The following BANK1 variants were observed in gnomAD, a reference collection of about 807,000 sequenced individuals.
BANK1 encodes the protein B cell scaffold protein with ankyrin repeats 1.
BANK1 carries 95 observed loss-of-function variants against 94.5 expected under a neutral mutation model. The ratio of observed to expected loss-of-function variants is 1.00; its 90% CI spans 0.85 to 1.19. The LOEUF is 1.19. BANK1 is among the 50% of genes most tolerant of loss of function. The pLI is 0.00. For missense variants in BANK1, 987 were observed against 932.2 expected, an observed-to-expected ratio of 1.06 and a Z score of -0.77; for synonymous variants, 334 against 308.4, an observed-to-expected ratio of 1.08 and a Z score of -0.87.
chr4:102,034,125 G>T (rs1300434484), intron 10 of BANK1, among the ~76,000 whole-genome samples: 1 of 151,876 alleles, frequency 6.6e-6, no homozygotes, highest in Admixed American at 6.6e-5. Flanking sequence ...TTAATTTCTG[G>T]CCCCATTGCT....
In BANK1 at chr4:102,041,195, A is replaced by G. The variant is rs376381477; in HGVS notation, c.1901-2644A>G. ...TGGGGTGGCTGAACATAGTAAATAT[A>G]AAGTACATAAAGTCTTTTAGAACAA... On this transcript the variant is annotated intron_variant, in intron 10 of 16. Transcript: ENST00000322953. Among the ~76,000 whole-genome samples, 3 of 152,052 alleles carry G rather than the reference A, an allele frequency of 2.0e-5. No homozygotes were observed. The East Asian group carries it at 5.8e-4, about 29-fold the overall frequency.
At chr4:101,869,850 G>A (rs1193118203) in intron 4 of BANK1, among the ~76,000 whole-genome samples, 1 of 151,778 alleles carries the variant, frequency 6.6e-6, no homozygotes, top group Non-Finnish European at 1.5e-5. Context: ...TTCTTTCATA[G>A]AAAGTCCTAA....
intron 3 of BANK1, among the ~76,000 whole-genome samples, chr4:101,861,761 C>T (rs1727885768): frequency 6.6e-6 from 1 of 151,946 alleles, no homozygotes; most frequent in African/African-American, 2.4e-5. Flanking sequence ...TTAAAAAGTG[C>T]TGAGTATAAT....
At chr4:101,897,892 A>T (rs1016730821) in intron 6 of BANK1, among the ~76,000 whole-genome samples, 3 of 151,930 alleles carry the variant, frequency 2.0e-5, no homozygotes, top group Non-Finnish European at 4.4e-5. Flanking sequence ...CCCTCTCTTA[A>T]CAAAGGTTAT....
chr4:101,844,819 C>G (rs1003318879), intron 2 of BANK1, among the ~76,000 whole-genome samples: 1 of 152,108 alleles, frequency 6.6e-6, no homozygotes, highest in Non-Finnish European at 1.5e-5. Context: ...ACTTTTACAC[C>G]AACCCCAAAC....
chr4:101,854,906 C>A, intron 2 of BANK1, 129 bp from the exon 3 acceptor site: 1 of 611,558 alleles, frequency 1.6e-6, no homozygotes, highest in Non-Finnish European at 2.8e-6. Flanking sequence ...TCAATTATTT[C>A]AGCTATCTTA....
At chr4:101,856,518 A>G (rs1727686415) in intron 3 of BANK1, among the ~76,000 whole-genome samples, 2 of 152,222 alleles carry the variant, frequency 1.3e-5, no homozygotes, top group Non-Finnish European at 2.9e-5. Flanking sequence ...CAAAGCAGAA[A>G]AAAGAAAACC....
intron 7 of BANK1, among the ~76,000 whole-genome samples, chr4:101,936,576 A>G (rs866396675): frequency 5.3e-5 from 8 of 150,718 alleles, no homozygotes; most frequent in Admixed American, 1.3e-4. Context: ...GTATACGTGT[A>G]TGTGTGTGTA....
chr4:101,947,014 A>G (rs1223467244), intron 7 of BANK1, among the ~76,000 whole-genome samples: 1 of 151,684 alleles, frequency 6.6e-6, no homozygotes, highest in African/African-American at 2.4e-5. Flanking sequence ...ATTTTGGGCA[A>G]AGAGAAGTAA....
At chr4:101,817,511 C>G (rs1038542850) in intron 1 of BANK1, among the ~76,000 whole-genome samples, 1 of 151,988 alleles carries the variant, frequency 6.6e-6, no homozygotes, top group Non-Finnish European at 1.5e-5. Flanking sequence ...GTGAGCAACA[C>G]ACACCGGGCC....
At chr4:101,954,295 G>T (rs918488115) in intron 7 of BANK1, among the ~76,000 whole-genome samples, 4 of 152,054 alleles carry the variant, frequency 2.6e-5, no homozygotes, top group Non-Finnish European at 4.4e-5. Context: ...CAGGAATTAG[G>T]ACTCCAGCAT....
intron 6 of BANK1, among the ~76,000 whole-genome samples, chr4:101,909,007 C>T (rs767935965): frequency 3.3e-5 from 5 of 152,126 alleles, no homozygotes; most frequent in Admixed American, 6.5e-5. Flanking sequence ...GGTGATTCCT[C>T]AAGGATCTAG....
intron 2 of BANK1, among the ~76,000 whole-genome samples, chr4:101,837,164 CT>C (rs577919760): frequency 1.3e-5 from 2 of 152,278 alleles, no homozygotes; most frequent in Admixed American, 1.3e-4. Flanking sequence ...AAAACACTTA[CT>C]TTGATTGTTC....
chr4:101,925,110 T>G (rs1578401580), intron 7 of BANK1, among the ~76,000 whole-genome samples: 2 of 151,814 alleles, frequency 1.3e-5, no homozygotes, highest in African/African-American at 2.4e-5. Flanking sequence ...ATCTTGTTTT[T>G]GGGAGCTATC....
intron 9 of BANK1, among the ~76,000 whole-genome samples, chr4:102,026,850 G>A (rs556450128): frequency 8.7e-5 from 13 of 150,062 alleles, no homozygotes; most frequent in African/African-American, 2.9e-4. Context: ...AAGGAATTTA[G>A]CATTTGTGTC....
intron 7 of BANK1, among the ~76,000 whole-genome samples, chr4:101,943,414 G>A (rs1723817276): frequency 6.6e-6 from 1 of 151,844 alleles, no homozygotes; most frequent in African/African-American, 2.4e-5. Flanking sequence ...GTGACAGAGG[G>A]GAAGGAGGGA....
intron 1 of BANK1, among the ~76,000 whole-genome samples, chr4:101,807,345 G>T (rs1725589464): frequency 6.6e-6 from 1 of 152,106 alleles, no homozygotes; most frequent in African/African-American, 2.4e-5. Context: ...CAAACATACA[G>T]ATTGAAAATA....
chr4:102,064,938 G>A (rs1728542340), intron 13 of BANK1, among the ~76,000 whole-genome samples: 1 of 152,196 alleles, frequency 6.6e-6, no homozygotes, highest in Non-Finnish European at 1.5e-5. Context: ...CTGAGAGCAG[G>A]TGGCTGTGTA....
At chr4:102,062,945 A>G (rs1448640085) in intron 12 of BANK1, 130 bp from the exon 13 acceptor site, 2 of 657,704 alleles carry the variant, frequency 3.0e-6, no homozygotes, top group African/African-American at 1.8e-5. Context: ...AAGGATGGCA[A>G]TTGAGACATC....
Sources: allele counts gnomAD v4.1 joint callset (sites outside exome capture counted in the v4.1 genomes callset), GRCh38; gene constraint gnomAD v4.1.1; transcripts MANE v1.5; gene names NCBI Gene and HGNC (gene_info 2026-07-23, HGNC 2026-07-21).